The following SLC25A35 variants were observed in gnomAD, a reference collection of about 807,000 sequenced individuals.
The protein encoded by SLC25A35 is solute carrier family 25 member 35, also known as solute carrier family 25, member 35.
In SLC25A35, 32 loss-of-function variants were observed where a neutral mutation model predicts 30.5. The observed-to-expected ratio is 1.05, with a 90% CI of 0.79 to 1.41. The LOEUF is 1.41. Ranked by LOEUF, SLC25A35 falls within the 40% of genes most tolerant of loss-of-function variation. SLC25A35 has a pLI of 0.00. For synonymous variants in SLC25A35, 142 were observed against 158.1 expected (o/e 0.90, Z 0.77); for missense variants, 369 against 388.0 (o/e 0.95, Z 0.41).
chr17:8,288,864 A>C, downstream of SLC25A35: 1 of 1,614,204 alleles, frequency 6.2e-7, no homozygotes, highest in Non-Finnish European at 8.5e-7. Flanking sequence ...CATTGACGTA[A>C]GGTGAGAAGG....
chr17:8,289,109 C>G (rs753632700), downstream of SLC25A35: 3 of 1,606,530 alleles, frequency 1.9e-6, no homozygotes, highest in Non-Finnish European at 2.5e-6. Context: ...ATGGCAGGGG[C>G]GGGGTCGGAC....
intron 1 of SLC25A35, among the ~76,000 whole-genome samples, chr17:8,292,997 T>A (rs1016722149): frequency 2.6e-5 from 4 of 152,170 alleles, no homozygotes; most frequent in Non-Finnish European, 4.4e-5. Context: ...TGGGCAAAAC[T>A]TGCTCTCTAG....
At chr17:8,291,214 A>G in intron 3 of SLC25A35, 119 bp downstream of exon 3, 2 of 1,467,990 alleles carry the variant, frequency 1.4e-6, no homozygotes, top group Non-Finnish European at 1.9e-6. Context: ...TTGACCTCCA[A>G]GCCCTCCTGC....
intron 3 of SLC25A35, 139 bp downstream of exon 3, chr17:8,291,194 G>T: frequency 7.3e-7 from 1 of 1,362,852 alleles, no homozygotes; most frequent in Non-Finnish European, 1.0e-6. Context: ...TGTGGGAAGG[G>T]TCTAAAGAGT....
intron 1 of SLC25A35, 114 bp downstream of exon 1, chr17:8,294,319 T>C: frequency 8.4e-7 from 1 of 1,187,934 alleles, no homozygotes. Context: ...TCCTGATGCC[T>C]TTCCCTGCTT....
In SLC25A35 at chr17:8,290,550, G is replaced by A. The variant is rs1990405842; in HGVS notation, c.858C>T (p.Phe286=). The part of the protein sequence containing the change: ...RLGPHTILSL[F]FWDQLRSLYY... ...AGAGGGAGCGCAGCTGGTCCCAGAA[G>A]AAGAGGGAGAGGATGGTGTGGGGGC... Residue 286 remains phenylalanine (F), a synonymous_variant, in exon 5 of 5, where the codon TTC becomes TTT. Transcript: ENST00000577745. 1.3e-6 allele frequency: 2 copies of A among 1,536,144 alleles called. No individual in the cohort carries two copies. Among genetic ancestry groups the A allele is most frequent in the African/African-American group, 2.7e-5 (2 of 73,142 alleles).
chr17:8,293,767 G>A (rs979497319), intron 1 of SLC25A35, among the ~76,000 whole-genome samples: 2 of 150,296 alleles, frequency 1.3e-5, no homozygotes, highest in Non-Finnish European at 3.0e-5. Context: ...TAGCCAGGAT[G>A]GTCTCCATCT....
intron 2 of SLC25A35, among the ~76,000 whole-genome samples, chr17:8,291,724 A>G (rs1017243085): frequency 5.3e-5 from 8 of 152,088 alleles, no homozygotes; most frequent in South Asian, 4.1e-4. Flanking sequence ...CAGGAGAAAC[A>G]GGGGCAGAAA....
downstream of SLC25A35, chr17:8,288,485 C>T (rs1990218912): frequency 2.1e-6 from 1 of 487,688 alleles, no homozygotes; most frequent in Non-Finnish European, 3.8e-6. Context: ...CGGGAGCATG[C>T]TCGTGACCAC....
At position 8,290,110 on chromosome 17, in the gene SLC25A35, C is replaced by T. The variant is rs1990367672; in HGVS notation, c.*395G>A. On this transcript the variant is annotated 3_prime_UTR_variant, in exon 5 of 5. Transcript: ENST00000577745. ...CAATATAATCTCTGTGCCTTTGAATCTAACAGGACACCTGGGTCCCAGACG... is the reference window on the plus strand; with the variant it reads ...CAATATAATCTCTGTGCCTTTGAATTTAACAGGACACCTGGGTCCCAGACG... 1 of 1,492,262 alleles carries T rather than the reference C, an allele frequency of 6.7e-7. No homozygotes were observed. Among genetic ancestry groups the T allele is most frequent in the Non-Finnish European group, 8.9e-7 (1 of 1,123,848 alleles). The allele number at this position is 1,492,262 out of a possible 1,614,324, so 92.4% of individuals were successfully genotyped here.
Position 8,294,627 on chromosome 17 carries a change from C to T in SLC25A35, c.181G>A (p.Ala61Thr). Residue 61 changes from alanine to threonine, a missense_variant, in exon 1 of 5, where the codon GCC becomes ACC. Transcript: ENST00000577745. ...GCGGGGGCCAGGCCTTTCTGCAGGG[C>T]AGCAAGGCCATCCACCTTGCCGATG... ...ITIGKVDGLA[A>T]LQKGLAPALL... 6.2e-7 allele frequency: 1 copy of T among 1,614,168 alleles called. No homozygotes were observed. The highest frequency in any genetic ancestry group is 1.7e-5 in the Admixed American group (1 of 60,024).
chr17:8,288,687 C>T (rs1305545458), downstream of SLC25A35: 30 of 1,324,676 alleles, frequency 2.3e-5, no homozygotes, highest in Non-Finnish European at 3.0e-5. Flanking sequence ...AAGCCAGACC[C>T]GGGTGGCGGT....
In SLC25A35 at chr17:8,291,322, C is replaced by T; in HGVS notation, c.594+11G>A. The T allele has an allele frequency of 6.2e-7, 1 of 1,613,758 alleles. No homozygotes were observed. Among genetic ancestry groups the T allele is most frequent in the Non-Finnish European group, 8.5e-7 (1 of 1,179,768 alleles). ...TTCCCGAAACAGACCCACCCATTTC[C>T]CAGGCAGTACCTCCCACTGGCTCAG... is the stretch of plus-strand genomic sequence containing the variant. On this transcript the variant is annotated intron_variant, in intron 3 of 4. Coordinates refer to ENST00000577745, the MANE Select transcript of SLC25A35 (RefSeq NM_001320870.2).
chr17:8,292,051 G>A (rs1044492611), intron 2 of SLC25A35, among the ~76,000 whole-genome samples: 5 of 152,174 alleles, frequency 3.3e-5, no homozygotes, highest in South Asian at 2.1e-4. Context: ...ACGTGGTGGC[G>A]CATGGCTGTA....
intron 1 of SLC25A35, among the ~76,000 whole-genome samples, chr17:8,293,766 T>G (rs2151621421): frequency 6.6e-6 from 1 of 150,548 alleles, no homozygotes; most frequent in African/African-American, 2.4e-5. Context: ...TTAGCCAGGA[T>G]GGTCTCCATC....
chr17:8,294,703 G>A lies in SLC25A35; in HGVS notation c.105C>T (p.Ala35=). Residue 35 remains alanine, a synonymous_variant, in exon 1 of 5, where the codon GCC becomes GCT. Coordinates refer to ENST00000577745, the MANE Select transcript of SLC25A35 (RefSeq NM_001320870.2). ...GGTAGTGCCGCTGGTATGTGCCAGG[G>A]GCCTGCAGTTCTCCTTGCAACTGCA... ...TRMQLQGELQ[A]PGTYQRHYRN... The A allele has an allele frequency of 6.2e-7, 1 of 1,614,178 alleles. No individual in the cohort carries two copies. The highest frequency in any genetic ancestry group is 8.5e-7 in the Non-Finnish European group (1 of 1,180,056).
chr17:8,289,424 C>T (rs773051695), downstream of SLC25A35: 10 of 1,613,792 alleles, frequency 6.2e-6, no homozygotes, highest in Non-Finnish European at 7.6e-6. Flanking sequence ...GGTGAGGGCC[C>T]GAGAGTGTGT....
Position 8,295,105 on chromosome 17 carries a change from T to C in SLC25A35, c.-298A>G. ...GGGGCAAAAGACAGAAGGTTGCAGG[T>C]GGGATGGCTCAGGATGGCGGGCGAC... On this transcript the variant is annotated 5_prime_UTR_variant, in exon 1 of 5. Coordinates refer to ENST00000577745, the MANE Select transcript of SLC25A35 (RefSeq NM_001320870.2). 3.5e-6 allele frequency: 4 copies of C among 1,131,794 alleles called. No individual in the cohort carries two copies. Among genetic ancestry groups the C allele is most frequent in the Non-Finnish European group, 4.3e-6 (4 of 921,266 alleles). 70.1% of individuals were successfully genotyped at this position (1,131,794 alleles called of 1,614,324 possible).
chr17:8,287,792 G>A (rs1990196147), downstream of SLC25A35: 2 of 152,370 alleles, frequency 1.3e-5, no homozygotes, highest in Admixed American at 1.3e-4. Context: ...GGTTTAATCT[G>A]TGCTTCTGTC....
Sources: allele counts gnomAD v4.1 joint callset (sites outside exome capture counted in the v4.1 genomes callset), GRCh38; gene constraint gnomAD v4.1.1; transcripts MANE v1.5; gene names NCBI Gene and HGNC (gene_info 2026-07-23, HGNC 2026-07-21).